CNTNAP5: variants seen among roughly 807,000 people sequenced by gnomAD.
The protein encoded by CNTNAP5 is contactin associated protein family member 5.
CNTNAP5 carries 72 observed loss-of-function variants against 150.2 expected under a neutral mutation model. The observed-to-expected ratio is 0.48, with a 90% CI of 0.40 to 0.58. CNTNAP5 has a LOEUF of 0.58. Among genes scored for constraint, CNTNAP5 ranks in the 20% least tolerant of loss-of-function variants. The pLI, the probability that CNTNAP5 is intolerant of heterozygous loss-of-function variation, is 0.00. For missense variants in CNTNAP5, 1,636 were observed against 1,626.2 expected, an observed-to-expected ratio of 1.01 and a Z score of -0.10; for synonymous variants, 672 against 619.8, an observed-to-expected ratio of 1.08 and a Z score of -1.25.
At chr2:124,203,734 C>G (rs1025614747) in intron 1 of CNTNAP5, among the ~76,000 whole-genome samples, 7 of 152,170 alleles carry the variant, frequency 4.6e-5, no homozygotes, top group African/African-American at 1.7e-4. Context: ...TACGTTGGCC[C>G]TTTTTAGCCA....
chr2:124,316,754 C>T (rs1174741510), intron 3 of CNTNAP5, among the ~76,000 whole-genome samples: 1 of 134,462 alleles, frequency 7.4e-6, no homozygotes, highest in Non-Finnish European at 1.5e-5. Context: ...GCAGTGAGCC[C>T]AGATCATGCC....
In CNTNAP5 at chr2:124,917,730, G is replaced by A. The variant is rs908059393; in HGVS notation, c.*3442G>A. ...TATTTATGGAATGCCAATGAGTGCC[G>A]GGCTAGGCATTGGGTGAACATATAT... On this transcript the variant is annotated 3_prime_UTR_variant, in exon 24 of 24. Coordinates refer to ENST00000682447, the MANE Select transcript of CNTNAP5 (RefSeq NM_001367498.1). Among the ~76,000 whole-genome samples the A allele has an allele frequency of 5.9e-5, 9 of 151,884 alleles. No individual in the cohort carries two copies. The highest frequency in any genetic ancestry group is 1.5e-4 in the African/African-American group (6 of 41,358).
At chr2:124,089,401 G>A (rs1682767371) in intron 1 of CNTNAP5, among the ~76,000 whole-genome samples, 1 of 151,910 alleles carries the variant, frequency 6.6e-6, no homozygotes, top group Admixed American at 6.6e-5. Flanking sequence ...GTACAAATGA[G>A]GTACCCAGGT....
intron 13 of CNTNAP5, among the ~76,000 whole-genome samples, chr2:124,726,880 C>T (rs1379209185): frequency 1.3e-5 from 2 of 151,514 alleles, no homozygotes; most frequent in Non-Finnish European, 2.9e-5. Flanking sequence ...GTTGTCTGTG[C>T]TTTTGGGGTC....
At chr2:124,690,894 G>A (rs1679287815) in intron 13 of CNTNAP5, among the ~76,000 whole-genome samples, 1 of 151,806 alleles carries the variant, frequency 6.6e-6, no homozygotes, top group African/African-American at 2.4e-5. Context: ...GTTGCTATAC[G>A]GGCAAAGGGA....
intron 12 of CNTNAP5, among the ~76,000 whole-genome samples, chr2:124,631,161 A>G (rs1197868444): frequency 6.6e-6 from 1 of 152,208 alleles, no homozygotes; most frequent in Non-Finnish European, 1.5e-5. Flanking sequence ...AAAGCAATGT[A>G]TAGATTCAGT....
intron 13 of CNTNAP5, among the ~76,000 whole-genome samples, chr2:124,654,014 C>A (rs1481742467): frequency 6.8e-6 from 1 of 148,004 alleles, no homozygotes; most frequent in Non-Finnish European, 1.5e-5. Context: ...TGGGGAGCTG[C>A]ATCTCACATG....
chr2:124,743,630 G>T (rs1680547698), intron 13 of CNTNAP5, among the ~76,000 whole-genome samples: 1 of 152,222 alleles, frequency 6.6e-6, no homozygotes, highest in Non-Finnish European at 1.5e-5. Flanking sequence ...GCATTCGGGG[G>T]CAGCCAGCTG....
At chr2:124,686,348 A>G (rs1679193271) in intron 13 of CNTNAP5, among the ~76,000 whole-genome samples, 1 of 152,132 alleles carries the variant, frequency 6.6e-6, no homozygotes. Context: ...CATGACACTT[A>G]TTTGAACAGC....
chr2:124,036,216 G>A (rs374487625), intron 1 of CNTNAP5, among the ~76,000 whole-genome samples: 4 of 152,154 alleles, frequency 2.6e-5, no homozygotes, highest in South Asian at 2.1e-4. Context: ...GAGCCACCGC[G>A]CCCGGCCTCC....
chr2:124,416,122 C>A (rs1198391997), intron 3 of CNTNAP5, among the ~76,000 whole-genome samples: 1 of 151,884 alleles, frequency 6.6e-6, no homozygotes, highest in Non-Finnish European at 1.5e-5. Flanking sequence ...ACAATTGTTT[C>A]TCTTTGGTGG....
intron 12 of CNTNAP5, among the ~76,000 whole-genome samples, chr2:124,645,649 TA>T (rs1445805680): frequency 6.6e-6 from 1 of 152,194 alleles, no homozygotes; most frequent in African/African-American, 2.4e-5. Flanking sequence ...GAAATAGTCT[TA>T]AGACAAGTCA....
intron 14 of CNTNAP5, among the ~76,000 whole-genome samples, chr2:124,756,795 T>A (rs149579315): frequency 0.011 from 1,718 of 152,044 alleles, 30 homozygotes; most frequent in African/African-American, 0.039. Flanking sequence ...AGGGAGAGCA[T>A]CAGGAAGAAT....
intron 19 of CNTNAP5, among the ~76,000 whole-genome samples, chr2:124,819,479 C>A (rs1042811622): frequency 8.6e-5 from 13 of 152,020 alleles, no homozygotes; most frequent in Admixed American, 5.9e-4. Context: ...ATAATTTCAT[C>A]AAAATTTTCT....
chr2:124,689,413 G>A (rs1204897520), intron 13 of CNTNAP5, among the ~76,000 whole-genome samples: 3 of 152,234 alleles, frequency 2.0e-5, no homozygotes, highest in South Asian at 2.1e-4. Context: ...AGATGAGGTC[G>A]GAGGAGGCAT....
At chr2:124,860,112 G>A (rs1677481125) in intron 19 of CNTNAP5, among the ~76,000 whole-genome samples, 1 of 151,956 alleles carries the variant, frequency 6.6e-6, no homozygotes, top group Non-Finnish European at 1.5e-5. Flanking sequence ...AGCACCTTGG[G>A]AGGCCAAAGT....
intron 7 of CNTNAP5, among the ~76,000 whole-genome samples, chr2:124,494,808 A>G (rs1694109346): frequency 6.6e-6 from 1 of 152,186 alleles, no homozygotes; most frequent in Admixed American, 6.5e-5. Context: ...TCTTTCAGCA[A>G]TCTACACTAA....
intron 3 of CNTNAP5, among the ~76,000 whole-genome samples, chr2:124,337,022 C>T (rs1278069079): frequency 2.6e-5 from 4 of 152,162 alleles, no homozygotes; most frequent in Non-Finnish European, 5.9e-5. Flanking sequence ...TTCTCCACAT[C>T]CTCTCTAGCA....
intron 18 of CNTNAP5, among the ~76,000 whole-genome samples, chr2:124,793,149 C>T (rs558363496): frequency 8.5e-5 from 13 of 152,242 alleles, no homozygotes; most frequent in East Asian, 5.8e-4. Flanking sequence ...ACATTCTCAC[C>T]GGCAGTGAAT....
Sources: allele counts gnomAD v4.1 joint callset (sites outside exome capture counted in the v4.1 genomes callset), GRCh38; gene constraint gnomAD v4.1.1; transcripts MANE v1.5; gene names NCBI Gene and HGNC (gene_info 2026-07-23, HGNC 2026-07-21).